The following CLDN10 variants were observed in gnomAD, a reference collection of about 807,000 sequenced individuals.
The protein encoded by CLDN10 is claudin-10.
Under a neutral mutation model 22.9 loss-of-function variants are expected in CLDN10, and 15 were observed. The ratio of observed to expected loss-of-function variants is 0.65; its 90% confidence interval spans 0.44 to 1.01. The LOEUF is 1.01. Among genes scored for constraint, CLDN10 ranks in the 50% least tolerant of loss-of-function variants. The pLI is 0.00. For missense variants in CLDN10, 247 were observed against 287.8 expected (o/e 0.86, Z 1.03); for synonymous variants, 114 against 111.4 (o/e 1.02, Z -0.15).
chr13:95,566,534 T>A (rs2043790025), intron 3 of CLDN10, among the ~76,000 whole-genome samples: 1 of 152,362 alleles, frequency 6.6e-6, no homozygotes. Flanking sequence ...CTTTGTCAGA[T>A]GGGTAGATTG....
chr13:95,451,138 T>C (rs994643048), intron 1 of CLDN10, among the ~76,000 whole-genome samples: 2 of 152,178 alleles, frequency 1.3e-5, no homozygotes, highest in Non-Finnish European at 2.9e-5. Flanking sequence ...TAAAGTCCTA[T>C]CACTTATCCA....
intron 1 of CLDN10, among the ~76,000 whole-genome samples, chr13:95,555,339 C>T (rs773623947): frequency 6.6e-5 from 10 of 152,220 alleles, no homozygotes; most frequent in East Asian, 1.9e-4. Flanking sequence ...TGCGCCACCG[C>T]GCCCAGCCAT....
chr13:95,516,628 T>C (rs953945153), intron 1 of CLDN10, among the ~76,000 whole-genome samples: 2 of 152,128 alleles, frequency 1.3e-5, no homozygotes, highest in South Asian at 2.1e-4. Flanking sequence ...TAAAGACCTA[T>C]TATTAGGCAA....
At chr13:95,502,439 C>G (rs1168155357) in intron 1 of CLDN10, among the ~76,000 whole-genome samples, 1 of 152,186 alleles carries the variant, frequency 6.6e-6, no homozygotes, top group Admixed American at 6.5e-5. Flanking sequence ...AAAGTTTTCC[C>G]CACTTCAACT....
chr13:95,503,562 T>G (rs1186963025), intron 1 of CLDN10, among the ~76,000 whole-genome samples: 1 of 152,180 alleles, frequency 6.6e-6, no homozygotes, highest in African/African-American at 2.4e-5. Flanking sequence ...CAGCACTGTT[T>G]ATAAAAACTG....
chr13:95,471,502 G>C (rs2042633837), intron 1 of CLDN10, among the ~76,000 whole-genome samples: 1 of 147,284 alleles, frequency 6.8e-6, no homozygotes, highest in South Asian at 2.1e-4. Flanking sequence ...GCCCAGGCTG[G>C]AGGGCAGTGG....
intron 3 of CLDN10, among the ~76,000 whole-genome samples, chr13:95,574,347 T>C (rs993687997): frequency 6.6e-6 from 1 of 152,178 alleles, no homozygotes; most frequent in African/African-American, 2.4e-5. Flanking sequence ...GGGGTAGATG[T>C]ATGGTTTCTG....
At chr13:95,538,537 G>A (rs2043425101) in intron 1 of CLDN10, among the ~76,000 whole-genome samples, 1 of 152,172 alleles carries the variant, frequency 6.6e-6, no homozygotes, top group African/African-American at 2.4e-5. Context: ...ATTTCCTCTT[G>A]TCAGTGGCCA....
At chr13:95,573,265 G>T (rs1173496719) in intron 3 of CLDN10, among the ~76,000 whole-genome samples, 1 of 152,172 alleles carries the variant, frequency 6.6e-6, no homozygotes, top group Non-Finnish European at 1.5e-5. Flanking sequence ...CTTTTGATTA[G>T]TCCATCACCA....
At chr13:95,434,538 C>CATGT (rs55732645) in intron 1 of CLDN10, among the ~76,000 whole-genome samples, 1 of 149,186 alleles carries the variant, frequency 6.7e-6, no homozygotes, top group African/African-American at 2.5e-5. Flanking sequence ...TATATGCACA[C>CATGT]GTGTGTATAT....
At chr13:95,457,072 G>A (rs1210999040) in intron 1 of CLDN10, among the ~76,000 whole-genome samples, 10 of 152,084 alleles carry the variant, frequency 6.6e-5, no homozygotes, top group African/African-American at 1.9e-4. Flanking sequence ...GTTGCGTCTC[G>A]GTCCCGCAAG....
At chr13:95,500,788 G>A (rs1355490850) in intron 1 of CLDN10, among the ~76,000 whole-genome samples, 1 of 152,110 alleles carries the variant, frequency 6.6e-6, no homozygotes, top group African/African-American at 2.4e-5. Flanking sequence ...CTAACCACCA[G>A]AAACCATTAA....
At chr13:95,494,523 G>A (rs1031973067) in intron 1 of CLDN10, among the ~76,000 whole-genome samples, 1 of 152,106 alleles carries the variant, frequency 6.6e-6, no homozygotes, top group East Asian at 1.9e-4. Flanking sequence ...TGGTGTTGAC[G>A]TTTATCTCTA....
At chr13:95,571,180 A>C (rs1464051510) in intron 3 of CLDN10, among the ~76,000 whole-genome samples, 1 of 152,050 alleles carries the variant, frequency 6.6e-6, no homozygotes, top group Non-Finnish European at 1.5e-5. Context: ...TAATCAATCA[A>C]TGTTACCTGT....
chr13:95,554,422 A>G (rs112506947), intron 1 of CLDN10, among the ~76,000 whole-genome samples: 2 of 152,334 alleles, frequency 1.3e-5, no homozygotes, highest in African/African-American at 2.4e-5. Context: ...TGAATGCTCT[A>G]TGAATATTAT....
chr13:95,500,267 G>A (rs937504605), intron 1 of CLDN10, among the ~76,000 whole-genome samples: 2 of 151,452 alleles, frequency 1.3e-5, no homozygotes, highest in Non-Finnish European at 2.9e-5. Context: ...CAGTAAAACA[G>A]CATGTTGCAT....
chr13:95,572,670 A>T (rs1375767369), intron 3 of CLDN10, among the ~76,000 whole-genome samples: 1 of 152,158 alleles, frequency 6.6e-6, no homozygotes, highest in Non-Finnish European at 1.5e-5. Flanking sequence ...TTGCAAAAAC[A>T]TGCTCTTTTT....
chr13:95,511,794 T>C (rs1267961510), intron 1 of CLDN10, among the ~76,000 whole-genome samples: 4 of 17,098 alleles, frequency 2.3e-4, no homozygotes, highest in Non-Finnish European at 1.1e-3. Context: ...TTTTTGGTTT[T>C]TGTTTGTTTG....
At position 95,487,511 on chromosome 13, in the gene CLDN10, C is replaced by T. The variant is rs1241969501; in HGVS notation, c.214+53464C>T. Among the ~76,000 whole-genome samples the T allele has an allele frequency of 2.0e-5, 3 of 152,106 alleles. No individual in the cohort carries two copies. In the East Asian group the frequency reaches 5.8e-4, roughly 29 times the overall value. The stretch of plus-strand genomic sequence containing the variant: ...TATTCATGTTCACATTTTATCTTCC[C>T]TCCTAGACCAGGAGTTTCATTAGGA... On this transcript the variant is annotated intron_variant, in intron 1 of 4. Transcript: ENST00000376873.
Sources: allele counts gnomAD v4.1 joint callset (sites outside exome capture counted in the v4.1 genomes callset), GRCh38; gene constraint gnomAD v4.1.1; transcripts MANE v1.5; gene names NCBI Gene and HGNC (gene_info 2026-07-23, HGNC 2026-07-21).